Variants in JAK2 observed in about 807,000 individuals in gnomAD.
JAK2 encodes the protein Janus kinase 2.
A neutral mutation model predicts 139.3 loss-of-function variants in JAK2; 86 were observed. The observed-to-expected ratio is 0.62, with a 90% CI of 0.52 to 0.74. JAK2 has a LOEUF of 0.74. Among genes scored for constraint, JAK2 ranks in the 30% least tolerant of loss-of-function variants. The probability of loss-of-function intolerance (pLI) is 0.00; values close to 1 mark genes in which losing one functional copy is unlikely to be tolerated. For synonymous variants in JAK2, 490 were observed against 437.7 expected (o/e 1.12, Z -1.49); for missense variants, 1,421 against 1,360.3 (o/e 1.04, Z -0.70).
intron 22 of JAK2, among the ~76,000 whole-genome samples, chr9:5,107,234 C>A (rs1397588186): frequency 1.3e-5 from 2 of 152,090 alleles, no homozygotes; most frequent in Non-Finnish European, 2.9e-5. Context: ...AATAACCTGA[C>A]ACTAGCCTTA....
At chr9:5,025,521 T>C (rs1822723622) in intron 3 of JAK2, among the ~76,000 whole-genome samples, 1 of 149,882 alleles carries the variant, frequency 6.7e-6, no homozygotes, top group Non-Finnish European at 1.5e-5. Flanking sequence ...TTTGTTTAAG[T>C]GGATAGAGTT....
At chr9:5,110,800 G>A (rs1822420607) in intron 22 of JAK2, 3 of 416,114 alleles carry the variant, frequency 7.2e-6, no homozygotes, top group Non-Finnish European at 1.4e-5. Context: ...CACGCGCGAC[G>A]CCTGGGGGCC....
chr9:5,110,700 T>C, intron 22 of JAK2: 1 of 338,490 alleles, frequency 3.0e-6, no homozygotes. Flanking sequence ...CTATTACTCT[T>C]ACTGCCACCT....
chr9:5,048,946 T>G (rs1586702103), intron 5 of JAK2, among the ~76,000 whole-genome samples: 1 of 152,306 alleles, frequency 6.6e-6, no homozygotes, highest in Middle Eastern at 3.4e-3. Flanking sequence ...TTTAGAATAT[T>G]TGTACTTCTG....
intron 3 of JAK2, among the ~76,000 whole-genome samples, chr9:5,028,328 C>T (rs1021325875): frequency 4.6e-5 from 7 of 152,134 alleles, no homozygotes; most frequent in South Asian, 2.1e-4. Flanking sequence ...TAGGTCTCAA[C>T]GGTGGCTTAA....
At chr9:5,002,308 T>C (rs958738617) in intron 2 of JAK2, among the ~76,000 whole-genome samples, 2 of 151,972 alleles carry the variant, frequency 1.3e-5, no homozygotes, top group Non-Finnish European at 2.9e-5. Flanking sequence ...ACCACTATTT[T>C]AGCTGTATTC....
chr9:5,082,689 C>A (rs1397234274), intron 19 of JAK2, among the ~76,000 whole-genome samples: 1 of 152,232 alleles, frequency 6.6e-6, no homozygotes, highest in East Asian at 1.9e-4. Flanking sequence ...CTTTCCAGGG[C>A]AGAGGTCCCT....
chr9:5,054,966 A>G lies in JAK2; in HGVS notation c.936+82A>G. Reference sequence around the variant, plus strand: ...AACAAAGTAATTTTAATCATTTGCAACATGGTATTGCACTTCTCCCATTTG... The same window carrying G: ...AACAAAGTAATTTTAATCATTTGCAGCATGGTATTGCACTTCTCCCATTTG... On this transcript the variant is annotated intron_variant, in intron 7 of 24. Transcript: ENST00000381652. This position sits in a 1 kb window ranked among gnomAD's most constrained non-coding sequence, Gnocchi z 4.9. The G allele has an allele frequency of 2.0e-6, 2 of 1,011,254 alleles. No homozygotes were observed. Among genetic ancestry groups the G allele is most frequent in the Non-Finnish European group, 2.9e-6 (2 of 695,888 alleles). 62.6% of individuals were successfully genotyped at this position (1,011,254 alleles called of 1,614,324 possible). A position where few individuals can be genotyped will look rare whatever the true frequency, so the allele number is the denominator to read the frequency against.
chr9:5,084,559 T>C (rs537911359), intron 19 of JAK2, among the ~76,000 whole-genome samples: 1 of 152,282 alleles, frequency 6.6e-6, no homozygotes, highest in African/African-American at 2.4e-5. Flanking sequence ...TTAAAAAATA[T>C]TTTCATACTG....
chr9:4,995,447 T>C (rs1820505861), intron 2 of JAK2, among the ~76,000 whole-genome samples: 1 of 152,370 alleles, frequency 6.6e-6, no homozygotes, highest in African/African-American at 2.4e-5. Flanking sequence ...ATGCAAGATA[T>C]AAGATGGGAC....
Position 5,059,593 on chromosome 9 carries a change from T to C in JAK2, c.1056+3805T>C, listed in dbSNP as rs528690953. 1.4e-3 allele frequency among the ~76,000 whole-genome samples: 211 copies of C among 152,282 alleles called. 1 individual carries two copies. Among genetic ancestry groups the C allele is most frequent in the Non-Finnish European group, 2.4e-3 (162 of 68,006 alleles). ...TATATATATCCTAGAGATAGGATTA[T>C]TGAGTCATAGTGATAGCTTTAGTAT... On this transcript the variant is annotated intron_variant, in intron 8 of 24. Coordinates refer to ENST00000381652, the MANE Select transcript of JAK2 (RefSeq NM_004972.4).
At chr9:5,113,219 T>TC (rs1368659654) in intron 22 of JAK2, among the ~76,000 whole-genome samples, 1 of 92,700 alleles carries the variant, frequency 1.1e-5, no homozygotes, top group Non-Finnish European at 2.0e-5. Context: ...TTTTTTTTTT[T>TC]CCAGTAAACA....
Position 5,041,412 on chromosome 9 carries a change from T to C in JAK2, c.351-2991T>C, listed in dbSNP as rs965112714. On this transcript the variant is annotated intron_variant, in intron 4 of 24. Transcript: ENST00000381652. ...AGCCACTGCAACAACCTGGAGGTGC[T>C]GGGCCACATGTTCATGTACTTCCTG... 20 of 629,484 alleles carry C rather than the reference T, an allele frequency of 3.2e-5. No individual in the cohort carries two copies. In the Admixed American group the frequency reaches 4.5e-4, roughly 14 times the overall value. The allele number at this position is 629,484 out of a possible 1,614,324, so 39.0% of individuals were successfully genotyped here. A position where few individuals can be genotyped will look rare whatever the true frequency, so the allele number is the denominator to read the frequency against.
At position 5,069,112 on chromosome 9, in the gene JAK2, A is replaced by C. The variant is rs1309913519; in HGVS notation, c.1417A>C (p.Ser473Arg). The change falls in exon 11 of 25, where the codon AGT (serine) becomes CGT (arginine). Residue 473 changes from serine to arginine, a missense_variant. Transcript: ENST00000381652. Reference protein sequence around the residue: ...NLSGTKKNFSSLKDLLNCYQM... With the variant: ...NLSGTKKNFSRLKDLLNCYQM... ...CAGTGGGACAAAGAAGAACTTCAGCAGTCTTAAAGATCTTTTGAATTGTTA... is the reference window on the plus strand; with the variant it reads ...CAGTGGGACAAAGAAGAACTTCAGCCGTCTTAAAGATCTTTTGAATTGTTA... 6.8e-6 allele frequency: 11 copies of C among 1,612,210 alleles called. No individual in the cohort carries two copies. Among genetic ancestry groups the C allele is most frequent in the Admixed American group, 1.7e-5 (1 of 59,962 alleles).
At chr9:5,092,510 A>ATT (rs1220146662) in intron 22 of JAK2, among the ~76,000 whole-genome samples, 1 of 152,186 alleles carries the variant, frequency 6.6e-6, no homozygotes, top group African/African-American at 2.4e-5. Flanking sequence ...TAAAAATACT[A>ATT]TTAAACCATC....
At chr9:5,071,538 G>A (rs919072347) in intron 12 of JAK2, among the ~76,000 whole-genome samples, 9 of 152,088 alleles carry the variant, frequency 5.9e-5, no homozygotes, top group African/African-American at 2.2e-4. Context: ...AGAATATACA[G>A]GATGAAAAGT....
At chr9:5,108,191 A>AT (rs1356007408) in intron 22 of JAK2, 7 of 152,098 alleles carry the variant, frequency 4.6e-5, no homozygotes, top group Non-Finnish European at 7.4e-5. Flanking sequence ...CACCCCCACA[A>AT]AAAAGCTCTA....
At chr9:5,095,510 C>A (rs1386295548) in intron 22 of JAK2, among the ~76,000 whole-genome samples, 1 of 152,026 alleles carries the variant, frequency 6.6e-6, no homozygotes, top group Non-Finnish European at 1.5e-5. Flanking sequence ...CAATTTTCAT[C>A]CTTAATAATA....
intron 22 of JAK2, chr9:5,109,077 T>C (rs541334943): frequency 6.6e-6 from 1 of 152,254 alleles, no homozygotes; most frequent in African/African-American, 2.4e-5. Context: ...GGCTTCATTC[T>C]CCTGATCAAA....
Sources: gnomAD v4.1 joint callset for allele counts (sites outside exome capture counted in the v4.1 genomes callset) on GRCh38, gnomAD v4.1.1 for gene constraint, Gnocchi (gnomAD v3.1) non-coding constraint, MANE v1.5 for transcripts, NCBI Gene and HGNC (gene_info 2026-07-23, HGNC 2026-07-21) for gene names.